STK10: variants seen among roughly 807,000 people sequenced by gnomAD.
The protein encoded by STK10 is serine/threonine kinase 10, also known as serine/threonine-protein kinase 10.
A neutral mutation model predicts 113.8 loss-of-function variants in STK10; 78 were observed. That is an observed-to-expected ratio of 0.69 (90% CI 0.57 to 0.83). The LOEUF (loss-of-function observed/expected upper bound fraction) is 0.83, where lower values mean the gene tolerates loss of function less well. Among genes scored for constraint, STK10 ranks in the 40% least tolerant of loss-of-function variants. STK10 has a pLI of 0.00. For missense variants in STK10, 1,109 were observed against 1,280.1 expected, an observed-to-expected ratio of 0.87 and a Z score of 2.04; for synonymous variants, 465 against 494.7, an observed-to-expected ratio of 0.94 and a Z score of 0.80.
intron 12 of STK10, among the ~76,000 whole-genome samples, chr5:172,077,344 G>T (rs765538951): frequency 2.6e-5 from 4 of 152,174 alleles, no homozygotes; most frequent in African/African-American, 4.8e-5. Context: ...CTTTGCCCGG[G>T]AAGGCAGGAA....
chr5:172,118,878 C>CAAAAAAAAAAAAAAAAAAA (rs3028101), intron 3 of STK10, among the ~76,000 whole-genome samples: 5 of 71,306 alleles, frequency 7.0e-5, no homozygotes, highest in African/African-American at 1.0e-4. Context: ...GACTCAGTCT[C>CAAAAAAAAAAAAAAAAAAA]AAAAAAAAAA....
chr5:172,106,549 C>T lies in STK10; in HGVS notation c.788+71G>A, dbSNP rs1769114561. The T allele has an allele frequency of 3.4e-6, 5 of 1,476,428 alleles. No homozygotes were observed. In the South Asian group the frequency reaches 3.9e-5, roughly 12 times the overall value. The allele number at this position is 1,476,428 out of a possible 1,614,324, so 91.5% of individuals were successfully genotyped here. On this transcript the variant is annotated intron_variant, in intron 6 of 18. Transcript: ENST00000176763. ...CGCTACCACTGCACCTCCCCAGCCC[C>T]GTCCACCACATATTCCAGCCCTAAT...
At position 172,187,683 on chromosome 5, in the gene STK10, G is replaced by A. The variant is rs1770979267; in HGVS notation, c.156+204C>T. 6.6e-6 allele frequency among the ~76,000 whole-genome samples: 1 copy of A among 152,192 alleles called. No individual in the cohort carries two copies. Among genetic ancestry groups the A allele is most frequent in the Non-Finnish European group, 1.5e-5 (1 of 68,030 alleles). ...GTGGGGGCGGCAACCGTGCCCGGAGGGGGCGCCCAGAGCGCAGGGACTCGG... is the reference window on the plus strand; with the variant it reads ...GTGGGGGCGGCAACCGTGCCCGGAGAGGGCGCCCAGAGCGCAGGGACTCGG... On this transcript the variant is annotated intron_variant, in intron 1 of 18. Transcript: ENST00000176763. This position sits in a 1 kb window ranked among gnomAD's most constrained non-coding sequence, Gnocchi z 4.6.
rs1561810155 is a variant in STK10, at chr5:172,106,626, G to A, written c.782C>T (p.Ser261Phe). The A allele has an allele frequency of 1.2e-6, 2 of 1,612,138 alleles. No individual in the cohort carries two copies. The highest frequency in any genetic ancestry group is 1.7e-6 in the Non-Finnish European group (2 of 1,179,748). ...CCCTGCCCCTGCCCCTCACCACTTA[G>A]AGGGCGTGAGCAGCGTGGGAGGGTC... is the stretch of plus-strand genomic sequence containing the variant. ...KSDPPTLLTP[S>F]KWSVEFRDFL... Residue 261 changes from serine (S) to phenylalanine (F), a missense_variant, in exon 6 of 19, where the codon TCT becomes TTT. This residue lies in a region of STK10 where 885 missense variants were observed against 991.1 expected (regional missense o/e 0.89). Coordinates refer to ENST00000176763, the MANE Select transcript of STK10 (RefSeq NM_005990.4).
chr5:172,172,987 A>G (rs529832276), intron 1 of STK10, among the ~76,000 whole-genome samples: 1 of 149,926 alleles, frequency 6.7e-6, no homozygotes, highest in East Asian at 2.0e-4. Flanking sequence ...CAAAAAAAAG[A>G]AAAAAAAAAG....
chr5:172,090,043 GGATA>G (rs1176597213), intron 10 of STK10, among the ~76,000 whole-genome samples, 185 bp downstream of exon 10: 3 of 152,046 alleles, frequency 2.0e-5, no homozygotes, highest in Admixed American at 2.0e-4. Flanking sequence ...ATGGATGAGT[GGATA>G]GATAGGTGAA....
intron 8 of STK10, 123 bp from the exon 9 acceptor site, chr5:172,094,083 A>T (rs1253263546): frequency 1.5e-6 from 1 of 664,294 alleles, no homozygotes; most frequent in Non-Finnish European, 2.2e-6. Flanking sequence ...AAGAAAGGAG[A>T]GCAGATATCT....
At chr5:172,172,369 C>T (rs1174472232) in intron 1 of STK10, among the ~76,000 whole-genome samples, 2 of 152,174 alleles carry the variant, frequency 1.3e-5, no homozygotes, top group Non-Finnish European at 2.9e-5. Flanking sequence ...AAAGCATAGG[C>T]CTTGATTTAC....
At chr5:172,122,145 T>C (rs1014155800) in intron 3 of STK10, among the ~76,000 whole-genome samples, 2 of 152,136 alleles carry the variant, frequency 1.3e-5, no homozygotes, top group African/African-American at 4.8e-5. Context: ...GGATCACAGG[T>C]GTGACCAACC....
chr5:172,077,500 T>A (rs998134011), intron 12 of STK10, among the ~76,000 whole-genome samples: 1 of 152,200 alleles, frequency 6.6e-6, no homozygotes, highest in African/African-American at 2.4e-5. Context: ...GACCATCAAG[T>A]CCCTTCTTAC....
chr5:172,090,348 G>T lies in STK10; in HGVS notation c.1569C>A (p.Tyr523Ter), dbSNP rs1028192027. 6.2e-7 allele frequency: 1 copy of T among 1,613,670 alleles called. No homozygotes were observed. The highest frequency in any genetic ancestry group is 8.5e-7 in the Non-Finnish European group (1 of 1,179,834). The change falls in exon 10 of 19, where the codon TAC (tyrosine) becomes TAA (stop). Residue 523 changes from tyrosine to a stop codon, truncating the protein, a stop_gained. Coordinates refer to ENST00000176763, the MANE Select transcript of STK10 (RefSeq NM_005990.4). LOFTEE classifies it high-confidence loss of function. ...GSLSIKDPKLYKKTLKRTRKF... is the reference protein window; with the variant it reads ...GSLSIKDPKL ...TGCGTGTCCGCTTGAGGGTTTTTTTGTACAGTTTCGGGTCCTGGCCAGGGA... is the reference window on the plus strand; with the variant it reads ...TGCGTGTCCGCTTGAGGGTTTTTTTTTACAGTTTCGGGTCCTGGCCAGGGA...
At chr5:172,087,107 A>AGTGTGTGT (rs201052929) in intron 10 of STK10, among the ~76,000 whole-genome samples, 4,995 of 128,876 alleles carry the variant, frequency 0.039, 135 homozygotes, top group Non-Finnish European at 0.045. Context: ...AGATGACACC[A>AGTGTGTGT]GTGTGTGTGT....
chr5:172,140,355 G>T (rs550597481), intron 2 of STK10, among the ~76,000 whole-genome samples: 1 of 152,256 alleles, frequency 6.6e-6, no homozygotes, highest in East Asian at 1.9e-4. Flanking sequence ...TATACAAAAC[G>T]GTGCAGCTGC....
At chr5:172,119,655 G>A (rs990279229) in intron 3 of STK10, among the ~76,000 whole-genome samples, 2 of 151,892 alleles carry the variant, frequency 1.3e-5, no homozygotes, top group Admixed American at 1.3e-4. Context: ...ACGAGGTCAG[G>A]AGATCGAGAC....
At chr5:172,124,989 G>A (rs538499815) in intron 3 of STK10, among the ~76,000 whole-genome samples, 5 of 152,262 alleles carry the variant, frequency 3.3e-5, no homozygotes, top group South Asian at 2.1e-4. Flanking sequence ...ATGGTATAGA[G>A]ACTTTGAGAG....
intron 2 of STK10, among the ~76,000 whole-genome samples, chr5:172,147,136 C>T (rs1318328987): frequency 6.6e-6 from 1 of 152,140 alleles, no homozygotes; most frequent in Non-Finnish European, 1.5e-5. Context: ...GAAGATATTA[C>T]AAAAGATACA....
intron 10 of STK10, among the ~76,000 whole-genome samples, chr5:172,086,672 T>C (rs892917380): frequency 1.2e-4 from 18 of 152,230 alleles, no homozygotes; most frequent in Admixed American, 1.0e-3. Flanking sequence ...GGGTCAGGTA[T>C]GACCAGGGGC....
rs760943473 is a variant in STK10, at chr5:172,082,556, G to C, written c.1810-51C>G. On this transcript the variant is annotated intron_variant, in intron 11 of 18. Coordinates refer to ENST00000176763, the MANE Select transcript of STK10 (RefSeq NM_005990.4). The surrounding 1 kb of genome is among the most constrained non-coding windows in gnomAD (Gnocchi z 4.3). Reference sequence around the variant, plus strand: ...ACTTAGCGAAGTCACTTTATACCTGGGAGGGACATGGGAAGTGGAATGGGG... The same window carrying C: ...ACTTAGCGAAGTCACTTTATACCTGCGAGGGACATGGGAAGTGGAATGGGG... 2.6e-6 allele frequency: 4 copies of C among 1,524,496 alleles called. No individual in the cohort carries two copies. The East Asian group carries it at 7.0e-5, about 27-fold the overall frequency. The allele number at this position is 1,524,496 out of a possible 1,614,324, so 94.4% of individuals were successfully genotyped here. A position where few individuals can be genotyped will look rare whatever the true frequency, so the allele number is the denominator to read the frequency against.
chr5:172,115,763 T>C (rs1222689030), intron 4 of STK10, among the ~76,000 whole-genome samples: 1 of 152,196 alleles, frequency 6.6e-6, no homozygotes, highest in Non-Finnish European at 1.5e-5. Flanking sequence ...CAAGATGATA[T>C]CAGTGGCTTT....
Sources: gnomAD v4.1 joint callset for allele counts (sites outside exome capture counted in the v4.1 genomes callset) on GRCh38, gnomAD v4.1.1 for gene constraint, gnomAD v4.1.1 regional missense constraint, Gnocchi (gnomAD v3.1) non-coding constraint, MANE v1.5 for transcripts, NCBI Gene and HGNC (gene_info 2026-07-23, HGNC 2026-07-21) for gene names.